The following GALNTL6 variants were observed in gnomAD, a reference collection of about 807,000 sequenced individuals.
GALNTL6 encodes the protein polypeptide N-acetylgalactosaminyltransferase-like 6.
In GALNTL6, 46 loss-of-function variants were observed where a neutral mutation model predicts 73.7. The ratio of observed to expected loss-of-function variants is 0.62; its 90% confidence interval spans 0.49 to 0.80. GALNTL6 has a LOEUF of 0.80. Ranked by LOEUF, GALNTL6 falls within the 30% of genes least tolerant of loss-of-function variation. The probability of loss-of-function intolerance (pLI) is 0.00; values close to 1 mark genes in which losing one functional copy is unlikely to be tolerated. For synonymous variants in GALNTL6, 259 were observed against 263.7 expected (o/e 0.98, Z 0.17); for missense variants, 604 against 755.0 (o/e 0.80, Z 2.34).
chr4:172,516,899 A>C (rs532907830), intron 5 of GALNTL6, among the ~76,000 whole-genome samples: 3 of 152,322 alleles, frequency 2.0e-5, no homozygotes, highest in Admixed American at 6.5e-5. Flanking sequence ...TAAACCTTAA[A>C]GACTTTATTT....
At chr4:172,082,235 G>A (rs1731901512) in intron 2 of GALNTL6, among the ~76,000 whole-genome samples, 1 of 152,172 alleles carries the variant, frequency 6.6e-6, no homozygotes, top group Non-Finnish European at 1.5e-5. Context: ...GGGAAGGAAT[G>A]AAAGGAAAGT....
intron 5 of GALNTL6, among the ~76,000 whole-genome samples, chr4:172,443,338 G>A (rs1731908831): frequency 6.6e-6 from 1 of 150,816 alleles, no homozygotes; most frequent in African/African-American, 2.4e-5. Flanking sequence ...GCTAATTATT[G>A]TATTTTTAGT....
intron 2 of GALNTL6, among the ~76,000 whole-genome samples, chr4:172,104,484 CA>C (rs928658714): frequency 2.6e-4 from 40 of 152,128 alleles, no homozygotes; most frequent in African/African-American, 9.4e-4. Flanking sequence ...GGCTAGGAAA[CA>C]AAAGTAGTAC....
At chr4:172,020,371 G>A (rs888022008) in intron 2 of GALNTL6, among the ~76,000 whole-genome samples, 1 of 141,536 alleles carries the variant, frequency 7.1e-6, no homozygotes, top group African/African-American at 2.8e-5. Flanking sequence ...GAAACAAAAG[G>A]TTGCTTTTTT....
At chr4:172,042,015 C>A (rs2110841360) in intron 2 of GALNTL6, among the ~76,000 whole-genome samples, 1 of 152,118 alleles carries the variant, frequency 6.6e-6, no homozygotes, top group South Asian at 2.1e-4. Context: ...TCTTGGAAAG[C>A]CACTTGAAAA....
chr4:171,893,386 A>C (rs574301964), intron 2 of GALNTL6, among the ~76,000 whole-genome samples: 1 of 152,342 alleles, frequency 6.6e-6, no homozygotes, highest in Non-Finnish European at 1.5e-5. Flanking sequence ...CATAGTGACT[A>C]TAAAACCTAG....
At chr4:172,047,811 T>C (rs1742263681) in intron 2 of GALNTL6, among the ~76,000 whole-genome samples, 1 of 152,104 alleles carries the variant, frequency 6.6e-6, no homozygotes, top group African/African-American at 2.4e-5. Flanking sequence ...TTTTCTACAG[T>C]CATGAAAAGG....
chr4:172,315,996 G>C (rs1489717139), intron 4 of GALNTL6, among the ~76,000 whole-genome samples: 1 of 152,032 alleles, frequency 6.6e-6, no homozygotes, highest in African/African-American at 2.4e-5. Context: ...GGCCTATATA[G>C]AAAAGAAGCT....
At chr4:172,049,269 T>A (rs147254671) in intron 2 of GALNTL6, among the ~76,000 whole-genome samples, 102 of 152,278 alleles carry the variant, frequency 6.7e-4, no homozygotes, top group African/African-American at 2.5e-3. Context: ...GAAGTAAACT[T>A]CAGTTAACTT....
At chr4:171,921,604 C>A (rs143199635) in intron 2 of GALNTL6, among the ~76,000 whole-genome samples, 1 of 152,074 alleles carries the variant, frequency 6.6e-6, no homozygotes, top group South Asian at 2.1e-4. Context: ...GGAAAAGCTG[C>A]AGAAATTTAC....
chr4:171,934,028 CT>C (rs1374688094), intron 2 of GALNTL6, among the ~76,000 whole-genome samples: 1 of 152,156 alleles, frequency 6.6e-6, no homozygotes, highest in East Asian at 1.9e-4. Flanking sequence ...AAGTTTTTGG[CT>C]TCATTAACTT....
intron 5 of GALNTL6, among the ~76,000 whole-genome samples, chr4:172,752,009 A>C (rs1737450450): frequency 6.6e-6 from 1 of 151,532 alleles, no homozygotes; most frequent in Admixed American, 6.6e-5. Flanking sequence ...TAAGAGGAAT[A>C]AGTAATTATG....
chr4:172,167,965 CAAAAAAAAAAAA>C (rs70941387), intron 2 of GALNTL6, among the ~76,000 whole-genome samples: 1 of 113,960 alleles, frequency 8.8e-6, no homozygotes. Flanking sequence ...GACTCCGTCT[CAAAAAAAAAAAA>C]AAAAAAAAGA....
intron 5 of GALNTL6, among the ~76,000 whole-genome samples, chr4:172,413,412 G>A (rs945338055): frequency 6.6e-6 from 1 of 152,156 alleles, no homozygotes; most frequent in Admixed American, 6.5e-5. Flanking sequence ...ATTGGGTCTA[G>A]CAATGCATAA....
chr4:172,648,610 C>A (rs1330704169), intron 5 of GALNTL6, among the ~76,000 whole-genome samples: 1 of 151,956 alleles, frequency 6.6e-6, no homozygotes. Flanking sequence ...CAGGACATAC[C>A]CAAAGACTGA....
intron 2 of GALNTL6, among the ~76,000 whole-genome samples, chr4:171,988,546 G>C (rs1024432196): frequency 6.6e-6 from 1 of 152,134 alleles, no homozygotes; most frequent in African/African-American, 2.4e-5. Context: ...ATTGTGGAGG[G>C]AGGTATTGAG....
At chr4:172,238,217 T>G (rs1202327978) in intron 3 of GALNTL6, among the ~76,000 whole-genome samples, 1 of 152,210 alleles carries the variant, frequency 6.6e-6, no homozygotes, top group East Asian at 1.9e-4. Flanking sequence ...CAATATTCTT[T>G]CTGCCTATTC....
chr4:172,484,743 A>G (rs1733611518), intron 5 of GALNTL6, among the ~76,000 whole-genome samples: 1 of 152,204 alleles, frequency 6.6e-6, no homozygotes, highest in Admixed American at 6.5e-5. Context: ...CCTTATAAAA[A>G]TAGTAGAAAT....
At chr4:172,611,993 A>G (rs1471595502) in intron 5 of GALNTL6, among the ~76,000 whole-genome samples, 1 of 152,142 alleles carries the variant, frequency 6.6e-6, no homozygotes, top group African/African-American at 2.4e-5. Flanking sequence ...CTATTTTGGT[A>G]AAATTGCATA....
Sources: allele counts gnomAD v4.1 joint callset (sites outside exome capture counted in the v4.1 genomes callset), GRCh38; gene constraint gnomAD v4.1.1; transcripts MANE v1.5; gene names NCBI Gene and HGNC (gene_info 2026-07-23, HGNC 2026-07-21).